CALY: variants seen among roughly 807,000 people sequenced by gnomAD.
The protein encoded by CALY is calcyon neuron specific vesicular protein, also known as neuron-specific vesicular protein calcyon.
Under a neutral mutation model 20.2 loss-of-function variants are expected in CALY, and 15 were observed. The observed-to-expected ratio is 0.74, with a 90% CI of 0.50 to 1.14. CALY has a LOEUF of 1.14. Among genes scored for constraint, CALY ranks in the 50% most tolerant of loss-of-function variants. CALY has a pLI of 0.00. For missense variants in CALY, 270 were observed against 304.4 expected (o/e 0.89, Z 0.84); for synonymous variants, 129 against 131.8 (o/e 0.98, Z 0.15).
chr10:133,327,429 G>A (rs988915844), intron 3 of CALY: 2 of 518,874 alleles, frequency 3.9e-6, no homozygotes, highest in Non-Finnish European at 6.8e-6. Context: ...CCAGGGGCGG[G>A]GAGCCCTAGC....
chr10:133,327,740 C>A, intron 3 of CALY, 165 bp downstream of exon 3: 1 of 712,306 alleles, frequency 1.4e-6, no homozygotes, highest in South Asian at 1.5e-5. Context: ...GGGTGCAGGG[C>A]AGCCGGTGGG....
At chr10:133,335,352 G>A (rs1350213739) in intron 1 of CALY, among the ~76,000 whole-genome samples, 1 of 152,182 alleles carries the variant, frequency 6.6e-6, no homozygotes, top group African/African-American at 2.4e-5. Context: ...CCCGCGCCAG[G>A]AGTCTCCGCC....
Position 133,326,871 on chromosome 10 carries a change from C to T in CALY, c.360+7G>A, listed in dbSNP as rs1848222004. The T allele has an allele frequency of 6.3e-7, 1 of 1,591,814 alleles. No homozygotes were observed. The highest frequency in any genetic ancestry group is 8.6e-7 in the Non-Finnish European group (1 of 1,167,854). Reference sequence around the variant, plus strand: ...TACACCCCCCACCAGAGCCCTGGCCCCCTTACCCGCAGCAGGAAGCCGTCG... The same window carrying T: ...TACACCCCCCACCAGAGCCCTGGCCTCCTTACCCGCAGCAGGAAGCCGTCG... On this transcript the variant is annotated splice_region_variant and intron_variant, in intron 4 of 5. Transcript: ENST00000252939.
intron 4 of CALY, 115 bp from the exon 5 acceptor site, chr10:133,326,235 G>A (rs1848207331): frequency 6.4e-7 from 1 of 1,550,740 alleles, no homozygotes; most frequent in Non-Finnish European, 8.7e-7. Context: ...ATGGAGCCAT[G>A]GCTTCAGGAC....
At chr10:133,333,758 G>C (rs74726363) in intron 1 of CALY, among the ~76,000 whole-genome samples, 6,802 of 8,210 alleles carry the variant, frequency 0.83, 2,697 homozygotes, top group Middle Eastern at 0.92. Context: ...GGCTCTGAGG[G>C]GGGAAGGATC....
At chr10:133,330,874 C>T (rs1848294915) in intron 1 of CALY, among the ~76,000 whole-genome samples, 1 of 151,962 alleles carries the variant, frequency 6.6e-6, no homozygotes, top group Non-Finnish European at 1.5e-5. Context: ...GAGGAGCTCA[C>T]AGGCCAGCCC....
At chr10:133,332,290 A>G (rs2133381703) in intron 1 of CALY, among the ~76,000 whole-genome samples, 1 of 152,354 alleles carries the variant, frequency 6.6e-6, no homozygotes, top group Admixed American at 6.5e-5. Context: ...GCTGCCTCTC[A>G]GTAAACCGCT....
At position 133,328,221 on chromosome 10, in the gene CALY, G is replaced by A. The variant is rs917606697; in HGVS notation, c.136-206C>T. On this transcript the variant is annotated intron_variant, in intron 2 of 5. Transcript: ENST00000252939. Reference sequence around the variant, plus strand: ...GTGGACGCTGAAAGTCTGTCTGCTGGGCGCATGGCAGCTCTGGGCCTGGCT... The same window carrying A: ...GTGGACGCTGAAAGTCTGTCTGCTGAGCGCATGGCAGCTCTGGGCCTGGCT... 2.6e-5 allele frequency among the ~76,000 whole-genome samples: 4 copies of A among 152,168 alleles called. No individual in the cohort carries two copies. The East Asian group carries it at 7.7e-4, about 29-fold the overall frequency.
intron 1 of CALY, among the ~76,000 whole-genome samples, chr10:133,336,108 G>A (rs1848437790): frequency 1.3e-5 from 2 of 152,026 alleles, no homozygotes; most frequent in Non-Finnish European, 2.9e-5. Flanking sequence ...GTCCCGCCCA[G>A]CCCCCGCGGG....
intron 1 of CALY, among the ~76,000 whole-genome samples, chr10:133,332,120 T>A (rs1470036059): frequency 2.5e-5 from 2 of 79,148 alleles, no homozygotes; most frequent in African/African-American, 9.3e-5. Flanking sequence ...AGAGCAAAAC[T>A]CCGTCTGGGA....
intron 3 of CALY, 51 bp downstream of exon 3, chr10:133,327,854 C>A: frequency 7.8e-7 from 1 of 1,280,800 alleles, no homozygotes. Flanking sequence ...CTGCCTTCCA[C>A]CTTCTCCTCC....
intron 2 of CALY, 56 bp downstream of exon 2, chr10:133,328,799 C>A: frequency 2.0e-6 from 3 of 1,491,776 alleles, no homozygotes; most frequent in Admixed American, 2.1e-5. Context: ...TCACCCCACA[C>A]CCCTTTGTTC....
In CALY at chr10:133,329,025, C is replaced by A; in HGVS notation, c.-20-16G>T. On this transcript the variant is annotated splice_polypyrimidine_tract_variant and intron_variant, in intron 1 of 5. Coordinates refer to ENST00000252939, the MANE Select transcript of CALY (RefSeq NM_015722.4). ...AGTCCTTGTCCTGTCCAAAGACAGA[C>A]AGAGTCACTGCCCACAGGCTGCCCC... 6.6e-7 allele frequency: 1 copy of A among 1,520,860 alleles called. No individual in the cohort carries two copies. Among genetic ancestry groups the A allele is most frequent in the Non-Finnish European group, 8.8e-7 (1 of 1,130,748 alleles). 94.2% of individuals were successfully genotyped at this position (1,520,860 alleles called of 1,614,324 possible). A position where few individuals can be genotyped will look rare whatever the true frequency, so the allele number is the denominator to read the frequency against.
rs755984047 is a variant in CALY at position 133,326,883 on chromosome 10, G to C, written c.355C>G (p.Leu119Val). 2 of 1,603,976 alleles carry C rather than the reference G, an allele frequency of 1.2e-6. No individual in the cohort carries two copies. Reference protein sequence around the residue: ...DQFTCPDGFLLRHKICTPLTL... With the variant: ...DQFTCPDGFLVRHKICTPLTL... The stretch of plus-strand genomic sequence containing the variant: ...CAGAGCCCTGGCCCCCTTACCCGCA[G>C]CAGGAAGCCGTCGGGGCAGGTGAAC... The change falls in exon 4 of 6, where the codon CTG becomes GTG. Residue 119 changes from leucine (L) to valine (V), a missense_variant. Transcript: ENST00000252939.
Position 133,324,919 on chromosome 10 carries a change from ACTC to A in CALY, c.*673_*675del. On this transcript the variant is annotated 3_prime_UTR_variant, in exon 6 of 6. Coordinates refer to ENST00000252939, the MANE Select transcript of CALY (RefSeq NM_015722.4). ...CAGAGCTCACCCCTCATCAGGCCCC[ACTC>A]CCCACTCAGACGCCCCCATTCACTC... 6 of 217,048 alleles carry A rather than the reference ACTC, an allele frequency of 2.8e-5. No individual in the cohort carries two copies. Among genetic ancestry groups the A allele is most frequent in the Admixed American group, 1.1e-4 (2 of 18,332 alleles). The allele number at this position is 217,048 out of a possible 1,614,324, so 13.4% of individuals were successfully genotyped here. A position where few individuals can be genotyped will look rare whatever the true frequency, so the allele number is the denominator to read the frequency against.
intron 1 of CALY, among the ~76,000 whole-genome samples, chr10:133,335,384 C>A (rs1589858207): frequency 2.6e-5 from 4 of 152,302 alleles, no homozygotes; most frequent in Admixed American, 2.0e-4. Flanking sequence ...TCGGGCAGGA[C>A]CCCCGCCAGG....
At chr10:133,331,640 AT>A (rs935094309) in intron 1 of CALY, among the ~76,000 whole-genome samples, 1 of 152,166 alleles carries the variant, frequency 6.6e-6, no homozygotes, top group Non-Finnish European at 1.5e-5. Flanking sequence ...GAAAAGCTAA[AT>A]TCCCCAAGTA....
intron 4 of CALY, 46 bp from the exon 5 acceptor site, chr10:133,326,166 T>G: frequency 1.9e-6 from 3 of 1,578,444 alleles, no homozygotes; most frequent in Non-Finnish European, 2.6e-6. Context: ...AGCCCTCCTG[T>G]GCGCCCCGGG....
intron 1 of CALY, among the ~76,000 whole-genome samples, chr10:133,333,167 C>A (rs1249140868): frequency 6.6e-6 from 1 of 151,440 alleles, no homozygotes; most frequent in Non-Finnish European, 1.5e-5. Context: ...AGCTTCTGCC[C>A]AGCTGCTGCC....
Sources: allele counts gnomAD v4.1 joint callset (sites outside exome capture counted in the v4.1 genomes callset), GRCh38; gene constraint gnomAD v4.1.1; transcripts MANE v1.5; gene names NCBI Gene and HGNC (gene_info 2026-07-23, HGNC 2026-07-21).